Variants in DCBLD1 observed in about 807,000 individuals in gnomAD.
DCBLD1 encodes the protein discoidin, CUB and LCCL domain-containing protein 1.
Under a neutral mutation model 71.5 loss-of-function variants are expected in DCBLD1, and 57 were observed. The ratio of observed to expected loss-of-function variants is 0.80; its 90% CI spans 0.64 to 0.99. The LOEUF (loss-of-function observed/expected upper bound fraction) is 0.99. DCBLD1 is among the 50% of genes least tolerant of loss of function. The pLI is 0.00. For missense variants in DCBLD1, 891 were observed against 923.5 expected, an observed-to-expected ratio of 0.96 and a Z score of 0.46; for synonymous variants, 380 against 363.8, an observed-to-expected ratio of 1.04 and a Z score of -0.51.
At chr6:117,539,581 A>G in intron 9 of DCBLD1, 1 of 442,762 alleles carries the variant, frequency 2.3e-6, no homozygotes, top group Non-Finnish European at 3.7e-6. Flanking sequence ...GCAAGACCCC[A>G]CCACTACAAA....
chr6:117,569,719 A>T (rs776112829), exon 15 of DCBLD1: 1 of 1,595,612 alleles, frequency 6.3e-7, no homozygotes, highest in East Asian at 2.3e-5. Context: ...GGATTGGAAC[A>T]CCATGTTCTT....
intron 11 of DCBLD1, among the ~76,000 whole-genome samples, chr6:117,542,103 G>A (rs1214682315): frequency 2.0e-5 from 3 of 151,984 alleles, no homozygotes; most frequent in African/African-American, 7.3e-5. Context: ...GACCAGCCCG[G>A]GCAACATGGT....
rs75751671 is a variant in DCBLD1, at chr6:117,549,202, G to A, written c.*763G>A. On this transcript the variant is annotated 3_prime_UTR_variant, in exon 15 of 15. Coordinates refer to ENST00000338728, the MANE Select transcript of DCBLD1 (RefSeq NM_001366458.2). ...CACAGGAATTACAGTGTGAATGGCTGTGTCAGATGTTTTCGTACCTCAGAT... is the reference window on the plus strand; with the variant it reads ...CACAGGAATTACAGTGTGAATGGCTATGTCAGATGTTTTCGTACCTCAGAT... 2.9e-3 allele frequency: 2,844 copies of A among 985,424 alleles called. 60 individuals are homozygous for A. In the African/African-American group the frequency reaches 0.046, roughly 16 times the overall value. The allele number at this position is 985,424 out of a possible 1,614,324, so 61.0% of individuals were successfully genotyped here.
chr6:117,517,874 C>A (rs1424602120), intron 2 of DCBLD1, among the ~76,000 whole-genome samples: 1 of 152,202 alleles, frequency 6.6e-6, no homozygotes, highest in Non-Finnish European at 1.5e-5. Flanking sequence ...TCCTCCTAGG[C>A]CTCTGGGTCT....
At chr6:117,502,149 C>G (rs556505741) in intron 1 of DCBLD1, among the ~76,000 whole-genome samples, 3 of 152,210 alleles carry the variant, frequency 2.0e-5, no homozygotes, top group Non-Finnish European at 2.9e-5. Flanking sequence ...GGTTGATCAT[C>G]TTTTTCTAAT....
At chr6:117,501,576 C>T (rs1263483858) in intron 1 of DCBLD1, among the ~76,000 whole-genome samples, 1 of 152,176 alleles carries the variant, frequency 6.6e-6, no homozygotes, top group African/African-American at 2.4e-5. Context: ...TCAGGTGATC[C>T]GCTGCCTTGG....
intron 13 of DCBLD1, 134 bp downstream of exon 13, chr6:117,544,711 G>A: frequency 3.7e-6 from 3 of 813,752 alleles, no homozygotes; most frequent in South Asian, 4.7e-5. Flanking sequence ...CTTTAAAGTA[G>A]CATATCTATA....
At chr6:117,544,909 C>T (rs1238692393) in intron 13 of DCBLD1, among the ~76,000 whole-genome samples, 2 of 151,270 alleles carry the variant, frequency 1.3e-5, no homozygotes, top group South Asian at 2.1e-4. Flanking sequence ...GTGTTGTTAG[C>T]ATCTGCAGGC....
chr6:117,504,220 G>A (rs931205980), intron 2 of DCBLD1, among the ~76,000 whole-genome samples: 1 of 152,186 alleles, frequency 6.6e-6, no homozygotes, highest in African/African-American at 2.4e-5. Flanking sequence ...TTTCAGTGCT[G>A]CTAGGAAGAG....
chr6:117,525,673 A>G (rs1778527004), intron 5 of DCBLD1, among the ~76,000 whole-genome samples: 1 of 152,234 alleles, frequency 6.6e-6, no homozygotes, highest in Non-Finnish European at 1.5e-5. Flanking sequence ...GCCATCTCAG[A>G]GTATTATTCC....
chr6:117,510,884 A>T (rs1357916360), intron 2 of DCBLD1, among the ~76,000 whole-genome samples: 4 of 152,216 alleles, frequency 2.6e-5, no homozygotes, highest in Admixed American at 6.5e-5. Context: ...GCATTCAACT[A>T]TGTGCGATGC....
intron 5 of DCBLD1, among the ~76,000 whole-genome samples, chr6:117,526,487 A>C (rs1002106016): frequency 6.6e-6 from 1 of 152,206 alleles, no homozygotes; most frequent in African/African-American, 2.4e-5. Context: ...GAAATGTAAG[A>C]ATTATGTACA....
At chr6:117,542,662 C>G (rs913085944) in intron 11 of DCBLD1, among the ~76,000 whole-genome samples, 1 of 152,092 alleles carries the variant, frequency 6.6e-6, no homozygotes, top group Admixed American at 6.5e-5. Flanking sequence ...AACGAGGATC[C>G]CAGTTTTCCA....
chr6:117,493,361 G>A (rs1378858374), intron 1 of DCBLD1, among the ~76,000 whole-genome samples: 3 of 152,098 alleles, frequency 2.0e-5, no homozygotes, highest in Admixed American at 2.0e-4. Context: ...CTTTTACAAA[G>A]CATCTTTCAG....
intron 1 of DCBLD1, among the ~76,000 whole-genome samples, chr6:117,489,742 G>A (rs1466835208): frequency 6.6e-6 from 1 of 152,152 alleles, no homozygotes; most frequent in Non-Finnish European, 1.5e-5. Flanking sequence ...AAAATTAGCC[G>A]GGCGTGGTGG....
At chr6:117,537,508 T>C (rs1401899366) in intron 7 of DCBLD1, among the ~76,000 whole-genome samples, 3 of 148,028 alleles carry the variant, frequency 2.0e-5, no homozygotes, top group Non-Finnish European at 4.4e-5. Context: ...CACTCCAGCC[T>C]GGGTAACAGA....
chr6:117,543,920 AG>A (rs1779181570), intron 12 of DCBLD1, among the ~76,000 whole-genome samples: 1 of 152,232 alleles, frequency 6.6e-6, no homozygotes, highest in Admixed American at 6.5e-5. Flanking sequence ...CAGAACCCTG[AG>A]ATCCATGTTT....
chr6:117,533,082 TG>T (rs1196052625), intron 6 of DCBLD1, among the ~76,000 whole-genome samples: 2 of 152,112 alleles, frequency 1.3e-5, no homozygotes, highest in African/African-American at 2.4e-5. Flanking sequence ...CAGTTCAGAA[TG>T]GCCAAGTGGG....
At chr6:117,564,511 T>C (rs555078936) in intron 14 of DCBLD1, among the ~76,000 whole-genome samples, 7 of 152,286 alleles carry the variant, frequency 4.6e-5, no homozygotes, top group African/African-American at 1.7e-4. Flanking sequence ...ATAATAGGCT[T>C]ATAAATAAAT....
Sources: gnomAD v4.1 joint callset for allele counts (sites outside exome capture counted in the v4.1 genomes callset) on GRCh38, gnomAD v4.1.1 for gene constraint, MANE v1.5 for transcripts, NCBI Gene and HGNC (gene_info 2026-07-23, HGNC 2026-07-21) for gene names.